ASIC2: variants seen among roughly 807,000 people sequenced by gnomAD.
The protein encoded by ASIC2 is acid-sensing ion channel 2.
ASIC2 carries 25 observed loss-of-function variants against 57.3 expected under a neutral mutation model. The ratio of observed to expected loss-of-function variants is 0.44; its 90% CI spans 0.32 to 0.61. The LOEUF is 0.61. ASIC2 is among the 20% of genes least tolerant of loss of function. The pLI is 0.06. For synonymous variants in ASIC2, 319 were observed against 307.5 expected (o/e 1.04, Z -0.39); for missense variants, 641 against 738.1 (o/e 0.87, Z 1.52).
At chr17:34,075,093 G>A (rs1490108456) in intron 1 of ASIC2, among the ~76,000 whole-genome samples, 9 of 152,108 alleles carry the variant, frequency 5.9e-5, no homozygotes. Context: ...CCAGAGTGTG[G>A]CTTTAAAGTG....
chr17:33,544,396 T>G (rs1036603132), intron 1 of ASIC2, among the ~76,000 whole-genome samples: 3 of 152,208 alleles, frequency 2.0e-5, no homozygotes, highest in African/African-American at 7.2e-5. Context: ...TTCTCCTGGG[T>G]AAATACCCAC....
At position 34,031,906 on chromosome 17, in the gene ASIC2, G is replaced by A. The variant is rs530635181; in HGVS notation, c.555+124072C>T. Among the ~76,000 whole-genome samples the A allele has an allele frequency of 5.9e-5, 9 of 152,324 alleles. No homozygotes were observed. In the East Asian group the frequency reaches 9.6e-4, roughly 16 times the overall value. ...TCTGATTGATTTACCTGAAAGTGACGGGGAGAATGGAACCAAGTTGGAAAA... is the reference window on the plus strand; with the variant it reads ...TCTGATTGATTTACCTGAAAGTGACAGGGAGAATGGAACCAAGTTGGAAAA... On this transcript the variant is annotated intron_variant, in intron 1 of 9. Coordinates refer to the ASIC2 transcript ENST00000359872.
intron 2 of ASIC2, among the ~76,000 whole-genome samples, chr17:33,090,025 C>G (rs1394138618): frequency 6.6e-6 from 1 of 152,206 alleles, no homozygotes; most frequent in Non-Finnish European, 1.5e-5. Context: ...TAACTCCCTC[C>G]CATGTTTCCA....
chr17:34,141,670 T>C (rs1303300357), intron 1 of ASIC2, among the ~76,000 whole-genome samples: 1 of 152,202 alleles, frequency 6.6e-6, no homozygotes, highest in African/African-American at 2.4e-5. Flanking sequence ...ACCCTGGAGA[T>C]TGGCTGGTAG....
At chr17:33,315,076 A>T (rs1823238771) in intron 1 of ASIC2, among the ~76,000 whole-genome samples, 1 of 152,220 alleles carries the variant, frequency 6.6e-6, no homozygotes, top group African/African-American at 2.4e-5. Context: ...AAGGCAAGTC[A>T]TTTAAATCAT....
At chr17:33,664,984 TC>T (rs1907422650) in intron 1 of ASIC2, among the ~76,000 whole-genome samples, 1 of 152,180 alleles carries the variant, frequency 6.6e-6, no homozygotes, top group African/African-American at 2.4e-5. Context: ...TTAAAGTGAC[TC>T]TTTGAAATAT....
chr17:33,019,598 T>C (rs1282089286), intron 7 of ASIC2, among the ~76,000 whole-genome samples: 1 of 151,996 alleles, frequency 6.6e-6, no homozygotes, highest in Non-Finnish European at 1.5e-5. Context: ...CGTGCGGTGC[T>C]GAGAGAAGGG....
At chr17:33,187,550 T>C (rs1483935961) in intron 1 of ASIC2, among the ~76,000 whole-genome samples, 2 of 152,156 alleles carry the variant, frequency 1.3e-5, no homozygotes, top group Admixed American at 1.3e-4. Flanking sequence ...GATTTAAAAT[T>C]CACAGTCCAA....
intron 1 of ASIC2, among the ~76,000 whole-genome samples, chr17:33,544,886 C>A (rs1194181709): frequency 6.6e-6 from 1 of 151,732 alleles, no homozygotes; most frequent in Non-Finnish European, 1.5e-5. Flanking sequence ...ATTTTTGTCC[C>A]CCGGAGTTTC....
chr17:33,209,214 C>T (rs933055374), intron 1 of ASIC2, among the ~76,000 whole-genome samples: 1 of 152,198 alleles, frequency 6.6e-6, no homozygotes, highest in Non-Finnish European at 1.5e-5. Flanking sequence ...CTCTTTCTCC[C>T]AGTCTTCTGC....
chr17:34,053,320 C>T (rs1908638793), intron 1 of ASIC2, among the ~76,000 whole-genome samples: 1 of 152,074 alleles, frequency 6.6e-6, no homozygotes, highest in Non-Finnish European at 1.5e-5. Context: ...GTGCTGAAGA[C>T]ACTGGAAATG....
chr17:34,075,309 C>T (rs1249709597), intron 1 of ASIC2, among the ~76,000 whole-genome samples: 2 of 152,162 alleles, frequency 1.3e-5, no homozygotes, highest in African/African-American at 4.8e-5. Flanking sequence ...AGAAAAAGCC[C>T]TTTCCCAATG....
At chr17:33,314,823 G>A (rs1906576927) in intron 1 of ASIC2, among the ~76,000 whole-genome samples, 1 of 152,154 alleles carries the variant, frequency 6.6e-6, no homozygotes, top group Non-Finnish European at 1.5e-5. Context: ...TAGCCAGTGT[G>A]GATGTTTAGT....
chr17:33,737,396 A>G (rs111889285), intron 1 of ASIC2, among the ~76,000 whole-genome samples: 87 of 152,368 alleles, frequency 5.7e-4, no homozygotes, highest in African/African-American at 5.8e-4. Flanking sequence ...CTCTGCTCCA[A>G]CATTCTTTGT....
At chr17:33,896,449 C>T (rs909444463) in intron 1 of ASIC2, among the ~76,000 whole-genome samples, 3 of 152,210 alleles carry the variant, frequency 2.0e-5, no homozygotes, top group Admixed American at 6.5e-5. Context: ...GAGAGTCTAG[C>T]GACTCCGCAA....
At chr17:33,286,678 C>T (rs1011409137) in intron 1 of ASIC2, among the ~76,000 whole-genome samples, 4 of 152,174 alleles carry the variant, frequency 2.6e-5, no homozygotes, top group African/African-American at 9.7e-5. Flanking sequence ...TTCTACTTAT[C>T]CTTCAAGATT....
Position 34,039,914 on chromosome 17 carries a change from T to C in ASIC2, c.555+116064A>G, listed in dbSNP as rs554407848. 1.1e-4 allele frequency: 161 copies of C among 1,530,828 alleles called. No individual in the cohort carries two copies. The African/African-American group carries it at 1.7e-3, about 16-fold the overall frequency. 94.8% of individuals were successfully genotyped at this position (1,530,828 alleles called of 1,614,324 possible). A position where few individuals can be genotyped will look rare whatever the true frequency, so the allele number is the denominator to read the frequency against. ...GCCGCTGCCGCTCCACGCTCCTCCCTGGAGGGACCCCGACCCGACCCGGCT... is the reference window on the plus strand; with the variant it reads ...GCCGCTGCCGCTCCACGCTCCTCCCCGGAGGGACCCCGACCCGACCCGGCT... On this transcript the variant is annotated intron_variant, in intron 1 of 9. Transcript: ENST00000359872.
intron 1 of ASIC2, among the ~76,000 whole-genome samples, chr17:34,083,152 C>T (rs1156525693): frequency 6.7e-6 from 1 of 149,094 alleles, no homozygotes; most frequent in African/African-American, 2.5e-5. Context: ...AGGTATATCT[C>T]CCAGTGCTAT....
At position 34,156,575 on chromosome 17, in the gene ASIC2, AT is replaced by A; in HGVS notation, c.-44del. ...CCGCAACTGGCTTCAGGTTGATCGA[AT>A]TTCAGAGAAGAGCTCCCAGTCCTCG... On this transcript the variant is annotated 5_prime_UTR_variant, in exon 1 of 10. Transcript: ENST00000359872. This position sits in a 1 kb window ranked among gnomAD's most constrained non-coding sequence, Gnocchi z 4.4. 6.5e-7 allele frequency: 1 copy of A among 1,530,142 alleles called. No individual in the cohort carries two copies. The highest frequency in any genetic ancestry group is 1.3e-5 in the South Asian group (1 of 78,260). The allele number at this position is 1,530,142 out of a possible 1,614,324, so 94.8% of individuals were successfully genotyped here.
Sources: allele counts gnomAD v4.1 joint callset (sites outside exome capture counted in the v4.1 genomes callset), GRCh38; gene constraint gnomAD v4.1.1; non-coding constraint Gnocchi (gnomAD v3.1); transcripts MANE v1.5; gene names NCBI Gene and HGNC (gene_info 2026-07-23, HGNC 2026-07-21).